Variants in GLI2 observed in about 807,000 individuals in gnomAD.
The protein encoded by GLI2 is GLI family zinc finger 2.
Under a neutral mutation model 78.9 loss-of-function variants are expected in GLI2, and 22 were observed. The ratio of observed to expected loss-of-function variants is 0.28; its 90% CI spans 0.20 to 0.40. The LOEUF (loss-of-function observed/expected upper bound fraction) is 0.40. Ranked by LOEUF, GLI2 falls within the 10% of genes least tolerant of loss-of-function variation. GLI2 has a pLI of 1.00. For missense variants in GLI2, 2,097 were observed against 2,213.2 expected (o/e 0.95, Z 1.05); for synonymous variants, 974 against 963.7 (o/e 1.01, Z -0.20).
intron 1 of GLI2, among the ~76,000 whole-genome samples, chr2:120,736,748 A>G (rs1048132903): frequency 3.3e-5 from 5 of 151,512 alleles, no homozygotes; most frequent in Admixed American, 6.6e-5. Context: ...GCCACTTGAG[A>G]ACTTCGAACT....
At chr2:120,819,970 T>G (rs1416896633) in intron 2 of GLI2, among the ~76,000 whole-genome samples, 1 of 151,942 alleles carries the variant, frequency 6.6e-6, no homozygotes, top group Non-Finnish European at 1.5e-5. Flanking sequence ...GGCAGAAAAG[T>G]GGGGCCCAGA....
intron 8 of GLI2, among the ~76,000 whole-genome samples, chr2:120,973,490 C>T (rs1334213732): frequency 6.6e-6 from 1 of 152,324 alleles, no homozygotes; most frequent in East Asian, 1.9e-4. Flanking sequence ...AGGAGGTTGT[C>T]CCCCCGTCGC....
intron 1 of GLI2, among the ~76,000 whole-genome samples, chr2:120,793,215 A>G (rs1054085370): frequency 2.6e-5 from 4 of 152,094 alleles, no homozygotes; most frequent in African/African-American, 4.8e-5. Flanking sequence ...GCCCGCTCCC[A>G]CCCCCTTAGC....
chr2:120,743,199 A>T (rs1682600115), intron 1 of GLI2, among the ~76,000 whole-genome samples: 1 of 152,210 alleles, frequency 6.6e-6, no homozygotes, highest in Non-Finnish European at 1.5e-5. Flanking sequence ...TTTGGGGACC[A>T]AGGAAGGCTT....
chr2:120,815,255 A>G (rs142886655), intron 2 of GLI2, among the ~76,000 whole-genome samples: 79 of 152,252 alleles, frequency 5.2e-4, no homozygotes, highest in African/African-American at 1.8e-3. Flanking sequence ...TGCAGACAGT[A>G]AGTCTTTATC....
intron 1 of GLI2, among the ~76,000 whole-genome samples, chr2:120,752,922 A>G (rs1682921502): frequency 6.6e-6 from 1 of 152,178 alleles, no homozygotes; most frequent in Non-Finnish European, 1.5e-5. Flanking sequence ...GTATGGTTAT[A>G]CCATCGGTTA....
chr2:120,970,377 C>G lies in GLI2; in HGVS notation c.846-16C>G. ...CGATCCCCCACCCCCACTTCCTTGT[C>G]TGCTCTCTGTTGCAGCCCAGCCTTC... On this transcript the variant is annotated splice_polypyrimidine_tract_variant and intron_variant, in intron 6 of 13. Transcript: ENST00000361492. The G allele has an allele frequency of 2.8e-6, 4 of 1,437,038 alleles. No homozygotes were observed. The highest frequency in any genetic ancestry group is 3.9e-6 in the Non-Finnish European group (4 of 1,021,348). 89.0% of individuals were successfully genotyped at this position (1,437,038 alleles called of 1,614,324 possible). A position where few individuals can be genotyped will look rare whatever the true frequency, so the allele number is the denominator to read the frequency against.
rs370333257 is a variant in GLI2 at position 120,968,741 on chromosome 2, C to T, written c.671C>T (p.Thr224Met). 4.7e-5 allele frequency: 76 copies of T among 1,613,280 alleles called. No individual in the cohort carries two copies. Among genetic ancestry groups the T allele is most frequent in the Non-Finnish European group, 5.6e-5 (66 of 1,179,756 alleles). Reference protein sequence around the residue: ...DVSRFSSPRVTPRLSRKRALS... With the variant: ...DVSRFSSPRVMPRLSRKRALS... The stretch of plus-strand genomic sequence containing the variant: ...TCCCGTTTCTCCAGCCCGCGGGTGA[C>T]GCCCCGCCTGAGCCGCAAGCGGGCG... Residue 224 changes from threonine to methionine, a missense_variant, in exon 6 of 14, where the codon ACG becomes ATG. Physicochemically the swap from Thr to Met is moderately conservative, Grantham distance 81. Coordinates refer to ENST00000361492, the MANE Select transcript of GLI2 (RefSeq NM_001374353.1).
chr2:120,963,838 C>T (rs1209695646), intron 5 of GLI2, among the ~76,000 whole-genome samples: 1 of 152,240 alleles, frequency 6.6e-6, no homozygotes, highest in Non-Finnish European at 1.5e-5. Flanking sequence ...ATGGGACAGT[C>T]GTGAAGATTA....
At position 120,978,595 on chromosome 2, in the gene GLI2, T is replaced by C. The variant is rs1269315655; in HGVS notation, c.1467+12T>C. Reference sequence around the variant, plus strand: ...CCCACAAGTGCACGGTGAGTGGCCTTCTCCCCACCCCCGCCGCAGCATCAA... The same window carrying C: ...CCCACAAGTGCACGGTGAGTGGCCTCCTCCCCACCCCCGCCGCAGCATCAA... On this transcript the variant is annotated intron_variant, in intron 10 of 13. Transcript: ENST00000361492. The C allele has an allele frequency of 1.2e-6, 2 of 1,611,366 alleles. No individual in the cohort carries two copies. The highest frequency in any genetic ancestry group is 3.3e-5 in the Admixed American group (2 of 59,840).
intron 13 of GLI2, 46 bp downstream of exon 13, chr2:120,986,660 G>C: frequency 6.6e-7 from 1 of 1,506,216 alleles, no homozygotes; most frequent in Non-Finnish European, 9.2e-7. Flanking sequence ...AGAGAGTCTG[G>C]GGCAGCACCA....
intron 2 of GLI2, among the ~76,000 whole-genome samples, chr2:120,879,038 T>C (rs1688906971): frequency 6.6e-6 from 1 of 152,142 alleles, no homozygotes. Context: ...ATGGAGAGGA[T>C]AGTGTGTGTC....
Position 120,986,461 on chromosome 2 carries a change from G to C in GLI2, c.2089G>C (p.Ala697Pro). Residue 697 changes from alanine (A) to proline (P), a missense_variant, in exon 13 of 14, where the codon GCT becomes CCT. By Grantham distance (27) the Ala-to-Pro change is conservative (BLOSUM62 -1). This residue lies in a region of GLI2 where 1,290 missense variants were observed against 1,261.7 expected (regional missense o/e 1.02). Transcript: ENST00000361492. ...ADTSALAAPS[A>P]GGLQLRKHMT... is the part of the protein sequence containing the mutation. ...CACCTCAGCCCTGGCTGCCCCCTCC[G>C]CTGGTGGCCTCCAGCTGCGCAAACA... The C allele has an allele frequency of 6.2e-7, 1 of 1,613,986 alleles. No homozygotes were observed. Among genetic ancestry groups the C allele is most frequent in the South Asian group, 1.1e-5 (1 of 91,078 alleles).
chr2:120,839,387 A>G (rs927975701), intron 2 of GLI2, among the ~76,000 whole-genome samples: 1 of 151,988 alleles, frequency 6.6e-6, no homozygotes, highest in African/African-American at 2.4e-5. Context: ...CCAGTTTTCT[A>G]TTTCTTTGTG....
At chr2:120,818,348 C>A (rs916974277) in intron 2 of GLI2, among the ~76,000 whole-genome samples, 2 of 152,244 alleles carry the variant, frequency 1.3e-5, no homozygotes, top group African/African-American at 4.8e-5. Flanking sequence ...TCTAATCAGC[C>A]CCTGGGAAGG....
chr2:120,775,987 C>T (rs1055714815), intron 1 of GLI2, among the ~76,000 whole-genome samples: 2 of 152,250 alleles, frequency 1.3e-5, no homozygotes, highest in African/African-American at 2.4e-5. Flanking sequence ...TGGCACAAAT[C>T]GCTTTCCTGG....
chr2:120,806,879 C>T (rs149718546), intron 2 of GLI2, among the ~76,000 whole-genome samples: 2 of 152,190 alleles, frequency 1.3e-5, no homozygotes, highest in Admixed American at 1.3e-4. Context: ...GAAGCAGGGG[C>T]CATGGCCCTG....
intron 2 of GLI2, among the ~76,000 whole-genome samples, chr2:120,834,955 C>T (rs1474787722): frequency 6.6e-6 from 1 of 152,184 alleles, no homozygotes; most frequent in Non-Finnish European, 1.5e-5. Context: ...CCTCACTCTT[C>T]AGCTCGTTTT....
At chr2:120,839,676 C>A (rs988850357) in intron 2 of GLI2, among the ~76,000 whole-genome samples, 4 of 152,216 alleles carry the variant, frequency 2.6e-5, no homozygotes, top group Non-Finnish European at 4.4e-5. Context: ...GATTCTCCCG[C>A]CTCAGCCACC....
Sources: allele counts gnomAD v4.1 joint callset (sites outside exome capture counted in the v4.1 genomes callset), GRCh38; gene constraint gnomAD v4.1.1; regional missense constraint gnomAD v4.1.1; transcripts MANE v1.5; gene names NCBI Gene and HGNC (gene_info 2026-07-23, HGNC 2026-07-21).